The following GLI2 variants were observed in gnomAD, a reference collection of about 807,000 sequenced individuals.
GLI2 encodes the protein transcription activator GLI2.
In GLI2, 22 loss-of-function variants were observed where a neutral mutation model predicts 78.9. The ratio of observed to expected loss-of-function variants is 0.28; its 90% CI spans 0.20 to 0.40. GLI2 has a LOEUF of 0.40. Ranked by LOEUF, GLI2 falls within the 10% of genes least tolerant of loss-of-function variation. The pLI is 1.00. For missense variants in GLI2, 2,097 were observed against 2,213.2 expected, an observed-to-expected ratio of 0.95 and a Z score of 1.05; for synonymous variants, 974 against 963.7, an observed-to-expected ratio of 1.01 and a Z score of -0.20.
chr2:120,837,938 C>A (rs1399155569), intron 2 of GLI2, among the ~76,000 whole-genome samples: 1 of 152,130 alleles, frequency 6.6e-6, no homozygotes, highest in Non-Finnish European at 1.5e-5. Context: ...CTCATGTGTT[C>A]CTCTTTCAAA....
intron 2 of GLI2, among the ~76,000 whole-genome samples, chr2:120,801,027 C>T (rs911631993): frequency 6.6e-6 from 1 of 152,254 alleles, no homozygotes; most frequent in Non-Finnish European, 1.5e-5. Flanking sequence ...CAGCCTCCCC[C>T]ACCCCTCACT....
chr2:120,885,029 G>A (rs898029766), intron 2 of GLI2, among the ~76,000 whole-genome samples: 3 of 152,134 alleles, frequency 2.0e-5, no homozygotes, highest in Non-Finnish European at 2.9e-5. Flanking sequence ...TTCCATCTTG[G>A]AAGTGTTCAG....
At chr2:120,850,759 G>A (rs1384181288) in intron 2 of GLI2, among the ~76,000 whole-genome samples, 3 of 152,226 alleles carry the variant, frequency 2.0e-5, no homozygotes, top group African/African-American at 4.8e-5. Flanking sequence ...GGGAGCTGCT[G>A]TCATCACTGT....
intron 2 of GLI2, among the ~76,000 whole-genome samples, chr2:120,850,645 G>A (rs1374452926): frequency 3.9e-5 from 6 of 152,194 alleles, no homozygotes; most frequent in African/African-American, 9.7e-5. Context: ...TAGCAAGGCC[G>A]GGGCTGTGCA....
intron 2 of GLI2, among the ~76,000 whole-genome samples, chr2:120,835,447 A>G (rs1349595944): frequency 6.7e-6 from 1 of 148,606 alleles, no homozygotes. Flanking sequence ...GTGCAGTGGC[A>G]TGATTTCGGC....
chr2:120,773,996 TC>T (rs112125667), intron 1 of GLI2, among the ~76,000 whole-genome samples: 1 of 138,866 alleles, frequency 7.2e-6, no homozygotes, highest in African/African-American at 2.7e-5. Flanking sequence ...TCTGGCTTCC[TC>T]CCCCCTTTCT....
chr2:120,747,077 G>A (rs59420789), intron 1 of GLI2, among the ~76,000 whole-genome samples: 2,786 of 152,310 alleles, frequency 0.018, 83 homozygotes, highest in African/African-American at 0.063. Context: ...GTGTCGGAAT[G>A]TTTACCTGAA....
At position 120,955,338 on chromosome 2, in the gene GLI2, C is replaced by T; in HGVS notation, c.551C>T (p.Ala184Val). The change falls in exon 5 of 14, where the codon GCA (alanine) becomes GTA (valine). Residue 184 changes from alanine to valine, a missense_variant. Physicochemically the swap from Ala to Val is moderately conservative, Grantham distance 64. Transcript: ENST00000361492. The part of the protein sequence containing the change: ...SDYYHQMTLV[A>V]GHPAPYGDLL... ...TATTACCACCAGATGACCCTCGTGG[C>T]AGGCCACCCCGCGCCCTACGGGGAC... 1.2e-6 allele frequency: 2 copies of T among 1,612,784 alleles called. No homozygotes were observed. Among genetic ancestry groups the T allele is most frequent in the South Asian group, 2.2e-5 (2 of 91,058 alleles).
intron 1 of GLI2, among the ~76,000 whole-genome samples, chr2:120,794,912 G>A (rs1481567737): frequency 6.6e-6 from 1 of 152,154 alleles, no homozygotes; most frequent in Non-Finnish European, 1.5e-5. Context: ...GGCTTTCTGG[G>A]CAGGGAGTTT....
chr2:120,895,478 A>C (rs1457901789), intron 2 of GLI2, among the ~76,000 whole-genome samples: 3 of 152,114 alleles, frequency 2.0e-5, no homozygotes, highest in Non-Finnish European at 4.4e-5. Flanking sequence ...CAAGGCAGGC[A>C]AATCACCTGA....
chr2:120,897,159 A>G (rs1026843785), intron 2 of GLI2, among the ~76,000 whole-genome samples: 2 of 152,188 alleles, frequency 1.3e-5, no homozygotes, highest in Non-Finnish European at 2.9e-5. Context: ...TCTCCATCAC[A>G]AATGTGGCCA....
chr2:120,805,660 G>C (rs6759296), intron 2 of GLI2, among the ~76,000 whole-genome samples: 3,332 of 152,314 alleles, frequency 0.022, 120 homozygotes, highest in African/African-American at 0.077. Flanking sequence ...AACCAATTCC[G>C]CAGGAACATT....
In GLI2 at chr2:120,938,190, C is replaced by T. The variant is rs950995919; in HGVS notation, c.254+10724C>T. Reference sequence around the variant, plus strand: ...ACCGACTCCCCCAGGGCCTCCTCCCCGGACCCAGACACATTCCTGGTTCCA... The same window carrying T: ...ACCGACTCCCCCAGGGCCTCCTCCCTGGACCCAGACACATTCCTGGTTCCA... On this transcript the variant is annotated intron_variant, in intron 3 of 13. Transcript: ENST00000361492. 5.3e-5 allele frequency among the ~76,000 whole-genome samples: 8 copies of T among 152,264 alleles called. No homozygotes were observed. The East Asian group carries it at 9.7e-4, about 18-fold the overall frequency.
intron 1 of GLI2, among the ~76,000 whole-genome samples, chr2:120,753,798 C>G (rs776503): frequency 6.6e-6 from 1 of 151,236 alleles, no homozygotes; most frequent in Non-Finnish European, 1.5e-5. Flanking sequence ...CTCGGGAGGC[C>G]GAGGCAGGAG....
chr2:120,978,715 C>A, intron 10 of GLI2, 132 bp downstream of exon 10: 1 of 997,814 alleles, frequency 1.0e-6, no homozygotes, highest in Non-Finnish European at 1.5e-6. Context: ...GGCTCTGGGA[C>A]AGGAGCCTGT....
chr2:120,753,047 G>A (rs1427732282), intron 1 of GLI2, among the ~76,000 whole-genome samples: 2 of 148,540 alleles, frequency 1.3e-5, no homozygotes, highest in African/African-American at 5.0e-5. Context: ...ACTTCTGGGT[G>A]TAAAACTTCG....
intron 4 of GLI2, chr2:120,951,865 G>A (rs17005499): frequency 0.098 from 15,506 of 158,576 alleles, 2,505 homozygotes; most frequent in African/African-American, 0.34. Context: ...GCAGGTTAAC[G>A]CAGGAGGCCT....
At position 120,783,540 on chromosome 2, in the gene GLI2, T is replaced by A. The variant is rs933142121; in HGVS notation, c.-30-13751T>A. Among the ~76,000 whole-genome samples the A allele has an allele frequency of 3.3e-5, 5 of 152,028 alleles. No individual in the cohort carries two copies. The South Asian group carries it at 1.0e-3, about 32-fold the overall frequency. ...ATTGATTGTGTCTTGGAGAGAGTCATCGAAAGGAGAGGGGGAAGAGCAAGC... is the reference window on the plus strand; with the variant it reads ...ATTGATTGTGTCTTGGAGAGAGTCAACGAAAGGAGAGGGGGAAGAGCAAGC... On this transcript the variant is annotated intron_variant, in intron 1 of 13. Transcript: ENST00000361492.
intron 2 of GLI2, among the ~76,000 whole-genome samples, chr2:120,873,771 C>G (rs1688586932): frequency 6.6e-6 from 1 of 152,210 alleles, no homozygotes; most frequent in African/African-American, 2.4e-5. Context: ...TCTGACCGAA[C>G]CTGTGTCCAC....
Sources: allele counts gnomAD v4.1 joint callset (sites outside exome capture counted in the v4.1 genomes callset), GRCh38; gene constraint gnomAD v4.1.1; transcripts MANE v1.5; gene names NCBI Gene and HGNC (gene_info 2026-07-23, HGNC 2026-07-21).